GNA13: variants seen among roughly 807,000 people sequenced by gnomAD.
GNA13 encodes G protein subunit alpha 13.
Under a neutral mutation model 33.5 loss-of-function variants are expected in GNA13, and 4 were observed. That is an observed-to-expected ratio of 0.12 (90% confidence interval 0.06 to 0.27). The LOEUF (loss-of-function observed/expected upper bound fraction) is 0.27, where lower values mean the gene tolerates loss of function less well. GNA13 is among the 10% of genes least tolerant of loss of function. The probability of loss-of-function intolerance (pLI) is 1.00; values close to 1 mark genes in which losing one functional copy is unlikely to be tolerated. For missense variants in GNA13, 319 were observed against 487.2 expected (o/e 0.65, Z 3.25); for synonymous variants, 176 against 183.8 (o/e 0.96, Z 0.34).
chr17:65,039,597 T>C lies in GNA13; in HGVS notation c.510+13905A>G, dbSNP rs558820898. On this transcript the variant is annotated intron_variant, in intron 2 of 3. Coordinates refer to ENST00000439174, the MANE Select transcript of GNA13 (RefSeq NM_006572.6). Reference sequence around the variant, plus strand: ...GTGCTCATTCTGCCTGGAGCATTCTTCCCCCTCCTTTCCTGGAGGACTTTC... The same window carrying C: ...GTGCTCATTCTGCCTGGAGCATTCTCCCCCCTCCTTTCCTGGAGGACTTTC... 3.9e-4 allele frequency among the ~76,000 whole-genome samples: 59 copies of C among 152,278 alleles called. 1 individual carries two copies. Among genetic ancestry groups the C allele is most frequent in the Admixed American group, 3.5e-3 (53 of 15,276 alleles).
At chr17:65,021,759 G>GT (rs1389550543) in intron 2 of GNA13, among the ~76,000 whole-genome samples, 5 of 152,314 alleles carry the variant, frequency 3.3e-5, no homozygotes, top group East Asian at 1.9e-4. Flanking sequence ...AAAGAGTAGA[G>GT]TTTTTTAATT....
rs1907938446 is a variant in GNA13 at position 65,053,717 on chromosome 17, G to C, written c.295C>G (p.Leu99Val). Residue 99 changes from leucine to valine, a missense_variant, in exon 2 of 4, where the codon CTG becomes GTG. Coordinates refer to ENST00000439174, the MANE Select transcript of GNA13 (RefSeq NM_006572.6). ...TGAAGCTTCTCTCGAGCATCAACCA[G>C]CACCCTCATACCTTTGTTTAAAAAG... ...YSNVIKGMRV[L>V]VDAREKLHIP... is the part of the protein sequence containing the mutation. 1 of 1,607,006 alleles carries C rather than the reference G, an allele frequency of 6.2e-7. No homozygotes were observed. The highest frequency in any genetic ancestry group is 1.3e-5 in the African/African-American group (1 of 74,684).
At chr17:65,040,105 A>G (rs182011090) in intron 2 of GNA13, among the ~76,000 whole-genome samples, 16 of 152,304 alleles carry the variant, frequency 1.1e-4, no homozygotes, top group Admixed American at 7.8e-4. Context: ...AAAAAAAAAG[A>G]CACAGTAAGG....
intron 2 of GNA13, 179 bp downstream of exon 2, chr17:65,053,323 A>G: frequency 5.1e-6 from 3 of 588,012 alleles, no homozygotes; most frequent in Non-Finnish European, 6.0e-6. Flanking sequence ...CTATTTTTAC[A>G]CGTAGTCATT....
intron 2 of GNA13, among the ~76,000 whole-genome samples, chr17:65,031,896 A>AAGAG (rs1292025516): frequency 5.6e-4 from 40 of 71,398 alleles, no homozygotes; most frequent in Non-Finnish European, 7.8e-4. Flanking sequence ...GAGAGAGAGA[A>AAGAG]AGAGAGAGAG....
intron 2 of GNA13, among the ~76,000 whole-genome samples, chr17:65,033,719 A>C (rs1198186102): frequency 2.3e-4 from 35 of 151,994 alleles, no homozygotes. Flanking sequence ...ACATCAGTTA[A>C]AATTTTCAAA....
intron 2 of GNA13, among the ~76,000 whole-genome samples, chr17:65,026,003 A>G (rs759861963): frequency 3.9e-5 from 6 of 152,000 alleles, no homozygotes; most frequent in Non-Finnish European, 7.4e-5. Flanking sequence ...CTATGATGAA[A>G]ACAGCAGATA....
At position 65,011,131 on chromosome 17, in the gene GNA13, G is replaced by C. The variant is rs919904964; in HGVS notation, c.*3126C>G. 1.5e-5 allele frequency: 3 copies of C among 206,308 alleles called. No homozygotes were observed. Among genetic ancestry groups the C allele is most frequent in the African/African-American group, 6.9e-5 (3 of 43,790 alleles). The allele number at this position is 206,308 out of a possible 1,614,324, so 12.8% of individuals were successfully genotyped here. A position where few individuals can be genotyped will look rare whatever the true frequency, so the allele number is the denominator to read the frequency against. ...ATTTCTTCTTACAAAAAATGATAAGGACATATGGTATTTGTTGAATCTAAA... is the reference window on the plus strand; with the variant it reads ...ATTTCTTCTTACAAAAAATGATAAGCACATATGGTATTTGTTGAATCTAAA... On this transcript the variant is annotated 3_prime_UTR_variant, in exon 4 of 4. Coordinates refer to ENST00000439174, the MANE Select transcript of GNA13 (RefSeq NM_006572.6).
Position 65,014,838 on chromosome 17 carries a change from G to GA in GNA13, c.562-10dup. 6.3e-7 allele frequency: 1 copy of GA among 1,575,232 alleles called. No individual in the cohort carries two copies. The highest frequency in any genetic ancestry group is 8.7e-7 in the Non-Finnish European group (1 of 1,155,342). ...TGTGATGGAATATAATCCTGGAAAA[G>GA]AAAAAACTTGTTTTATACCTATTAA... On this transcript the variant is annotated splice_polypyrimidine_tract_variant and intron_variant, in intron 3 of 3. Transcript: ENST00000439174. The surrounding 1 kb of genome is among the most constrained non-coding windows in gnomAD (Gnocchi z 5.3).
At chr17:65,022,532 T>A (rs573601977) in intron 2 of GNA13, among the ~76,000 whole-genome samples, 2 of 152,230 alleles carry the variant, frequency 1.3e-5, no homozygotes, top group African/African-American at 2.4e-5. Context: ...TTATTTATTA[T>A]GCAATGACAC....
At chr17:65,026,203 T>TA (rs61068176) in intron 2 of GNA13, among the ~76,000 whole-genome samples, 2,112 of 138,632 alleles carry the variant, frequency 0.015, 41 homozygotes, top group African/African-American at 0.046. Context: ...TCCACCAAAA[T>TA]AAAAAAAAAA....
At position 65,032,539 on chromosome 17, in the gene GNA13, C is replaced by T. The variant is rs75652954; in HGVS notation, c.511-14236G>A. ...AAATATACTACCTCTTATCCTAGGTCTTTCTCCCTTTAATTTTTATTTCAA... is the reference window on the plus strand; with the variant it reads ...AAATATACTACCTCTTATCCTAGGTTTTTCTCCCTTTAATTTTTATTTCAA... On this transcript the variant is annotated intron_variant, in intron 2 of 3. Coordinates refer to ENST00000439174, the MANE Select transcript of GNA13 (RefSeq NM_006572.6). 6.4e-4 allele frequency among the ~76,000 whole-genome samples: 97 copies of T among 152,294 alleles called. 3 individuals are homozygous for T. In the East Asian group the frequency reaches 0.018, roughly 29 times the overall value.
rs113119359 is a variant in GNA13 at position 65,014,241 on chromosome 17, G to C, written c.*16C>G. 6 of 1,396,474 alleles carry C rather than the reference G, an allele frequency of 4.3e-6. No homozygotes were observed. The African/African-American group carries it at 5.8e-5, about 13-fold the overall frequency. The allele number at this position is 1,396,474 out of a possible 1,614,324, so 86.5% of individuals were successfully genotyped here. A position where few individuals can be genotyped will look rare whatever the true frequency, so the allele number is the denominator to read the frequency against. On this transcript the variant is annotated 3_prime_UTR_variant, in exon 4 of 4. Coordinates refer to ENST00000439174, the MANE Select transcript of GNA13 (RefSeq NM_006572.6). The surrounding 1 kb of genome is among the most constrained non-coding windows in gnomAD (Gnocchi z 5.3). ...AAAAACACAAAAAGATATTAAAACA[G>C]CAAGTCTTTTGTACATCACTGTAGC... is the stretch of plus-strand genomic sequence containing the variant.
chr17:65,027,712 A>G (rs1567820328), intron 2 of GNA13, among the ~76,000 whole-genome samples: 1 of 152,210 alleles, frequency 6.6e-6, no homozygotes, highest in African/African-American at 2.4e-5. Context: ...CTTTGAAACT[A>G]GGAACACTGA....
In GNA13 at chr17:65,010,624, C is replaced by A. The variant is rs1209454321; in HGVS notation, c.*3633G>T. 1 of 204,952 alleles carries A rather than the reference C, an allele frequency of 4.9e-6. No individual in the cohort carries two copies. Among genetic ancestry groups the A allele is most frequent in the African/African-American group, 2.3e-5 (1 of 43,786 alleles). 12.7% of individuals were successfully genotyped at this position (204,952 alleles called of 1,614,324 possible). A position where few individuals can be genotyped will look rare whatever the true frequency, so the allele number is the denominator to read the frequency against. ...GGGAGAGAGACAAATTAACTAGGTA[C>A]TAAGTCAGATTTCCAAGTGAAAAAG... On this transcript the variant is annotated 3_prime_UTR_variant, in exon 4 of 4. Coordinates refer to ENST00000439174, the MANE Select transcript of GNA13 (RefSeq NM_006572.6).
intron 2 of GNA13, among the ~76,000 whole-genome samples, chr17:65,034,651 A>G (rs1157250213): frequency 6.6e-6 from 1 of 152,204 alleles, no homozygotes; most frequent in Non-Finnish European, 1.5e-5. Flanking sequence ...CCGTAGTCCT[A>G]TCAAATGTTA....
chr17:65,022,759 T>A (rs977848410), intron 2 of GNA13, among the ~76,000 whole-genome samples: 1 of 152,236 alleles, frequency 6.6e-6, no homozygotes, highest in Non-Finnish European at 1.5e-5. Flanking sequence ...AAGTTTTTGT[T>A]AGACAAGCAA....
intron 2 of GNA13, among the ~76,000 whole-genome samples, chr17:65,019,229 T>C (rs1598480507): frequency 6.6e-6 from 1 of 152,208 alleles, no homozygotes; most frequent in Non-Finnish European, 1.5e-5. Context: ...GGACCACACT[T>C]TGAGTCACAA....
At chr17:65,033,132 A>T (rs1907111048) in intron 2 of GNA13, among the ~76,000 whole-genome samples, 1 of 151,652 alleles carries the variant, frequency 6.6e-6, no homozygotes, top group Non-Finnish European at 1.5e-5. Context: ...AAATCACAGT[A>T]CTTGATGTGA....
Sources: allele counts gnomAD v4.1 joint callset (sites outside exome capture counted in the v4.1 genomes callset), GRCh38; gene constraint gnomAD v4.1.1; non-coding constraint Gnocchi (gnomAD v3.1); transcripts MANE v1.5; gene names NCBI Gene and HGNC (gene_info 2026-07-23, HGNC 2026-07-21).